The following HCRTR2 variants were observed in gnomAD, a reference collection of about 807,000 sequenced individuals.
HCRTR2 encodes the protein orexin receptor type 2.
Under a neutral mutation model 49.0 loss-of-function variants are expected in HCRTR2, and 22 were observed. The observed-to-expected ratio is 0.45, with a 90% CI of 0.32 to 0.64. The LOEUF (loss-of-function observed/expected upper bound fraction) is 0.64. HCRTR2 is among the 30% of genes least tolerant of loss of function. HCRTR2 has a pLI of 0.04. For missense variants in HCRTR2, 491 were observed against 559.4 expected (o/e 0.88, Z 1.23); for synonymous variants, 236 against 205.3 (o/e 1.15, Z -1.28).
At chr6:55,170,739 C>CT (rs397934195), upstream of HCRTR2, among the ~76,000 whole-genome samples, 6 of 112,012 alleles carry the variant, frequency 5.4e-5, no homozygotes, top group East Asian at 1.3e-3. Context: ...CCCCCTCCCC[C>CT]ACCCCACGAC....
chr6:55,144,833 A>T (rs902037868), intron 1 of HCRTR2, among the ~76,000 whole-genome samples: 5 of 152,048 alleles, frequency 3.3e-5, no homozygotes, highest in African/African-American at 1.2e-4. Context: ...TCTCGTCTAG[A>T]CCATGCTTAT....
At chr6:55,227,878 GGAAGA>G (rs1371160500) in intron 1 of HCRTR2, among the ~76,000 whole-genome samples, 4 of 152,142 alleles carry the variant, frequency 2.6e-5, no homozygotes, top group African/African-American at 7.2e-5. Flanking sequence ...TAGTAACATA[GGAAGA>G]GAAATAAGAT....
In HCRTR2 at chr6:55,275,691, A is replaced by G. The variant is rs530201623; in HGVS notation, c.763-1689A>G. 3.3e-5 allele frequency among the ~76,000 whole-genome samples: 5 copies of G among 151,160 alleles called. No individual in the cohort carries two copies. The South Asian group carries it at 1.0e-3, about 32-fold the overall frequency. On this transcript the variant is annotated intron_variant, in intron 4 of 6. Coordinates refer to ENST00000370862, the MANE Select transcript of HCRTR2 (RefSeq NM_001384272.1). The stretch of plus-strand genomic sequence containing the variant: ...TGTGTGATCTCATCGGCTCATTGCA[A>G]CATCCACCTCCTGGGTTCAAGCGAT...
chr6:55,193,373 TAAGA>T (rs1765353937), intron 1 of HCRTR2, among the ~76,000 whole-genome samples: 1 of 152,020 alleles, frequency 6.6e-6, no homozygotes, highest in African/African-American at 2.4e-5. Flanking sequence ...GGCAGAGCAT[TAAGA>T]AAGTGAATGA....
At chr6:55,203,072 C>G (rs557793661) in intron 1 of HCRTR2, among the ~76,000 whole-genome samples, 1 of 152,080 alleles carries the variant, frequency 6.6e-6, no homozygotes, top group South Asian at 2.1e-4. Context: ...CCAGTTTTAC[C>G]GTTACATCAA....
chr6:55,191,701 A>G (rs1255870414), intron 1 of HCRTR2, among the ~76,000 whole-genome samples: 1 of 152,202 alleles, frequency 6.6e-6, no homozygotes, highest in Non-Finnish European at 1.5e-5. Context: ...TGGAAGTGCC[A>G]GAAGAATAAG....
chr6:55,243,938 T>C (rs1766382681), intron 1 of HCRTR2, among the ~76,000 whole-genome samples: 1 of 152,124 alleles, frequency 6.6e-6, no homozygotes, highest in African/African-American at 2.4e-5. Flanking sequence ...GTTTTTTATT[T>C]TGTTGGTTGA....
intron 1 of HCRTR2, among the ~76,000 whole-genome samples, chr6:55,225,559 C>T (rs1765987496): frequency 6.6e-6 from 1 of 152,128 alleles, no homozygotes; most frequent in Admixed American, 6.5e-5. Context: ...TGTGCCAGAC[C>T]TGCACAAGGC....
At chr6:55,184,271 C>T (rs1224111270) in intron 1 of HCRTR2, among the ~76,000 whole-genome samples, 1 of 152,150 alleles carries the variant, frequency 6.6e-6, no homozygotes, top group East Asian at 1.9e-4. Flanking sequence ...TTTCTTGGAA[C>T]ATATATGTAT....
intron 1 of HCRTR2, among the ~76,000 whole-genome samples, chr6:55,195,933 C>A (rs1336033056): frequency 6.6e-6 from 1 of 152,174 alleles, no homozygotes; most frequent in Admixed American, 6.5e-5. Flanking sequence ...GATTGCACCA[C>A]TGCACTCCAG....
intron 1 of HCRTR2, among the ~76,000 whole-genome samples, chr6:55,205,905 A>G (rs1342110207): frequency 6.6e-6 from 1 of 152,040 alleles, no homozygotes; most frequent in Non-Finnish European, 1.5e-5. Flanking sequence ...CCCTTATTAT[A>G]ATTGTAGCGT....
At chr6:55,145,918 T>C (rs1055057394) in intron 1 of HCRTR2, among the ~76,000 whole-genome samples, 1 of 152,076 alleles carries the variant, frequency 6.6e-6, no homozygotes, top group African/African-American at 2.4e-5. Flanking sequence ...TAAGTTGTAA[T>C]CCCTCAACAA....
At chr6:55,208,321 AAAAAAT>A (rs1765638511) in intron 1 of HCRTR2, among the ~76,000 whole-genome samples, 1 of 146,014 alleles carries the variant, frequency 6.8e-6, no homozygotes, top group Non-Finnish European at 1.5e-5. Context: ...ACGAAAAATA[AAAAAAT>A]AAAAAAAAAA....
chr6:55,145,024 G>A (rs12205790), intron 1 of HCRTR2, among the ~76,000 whole-genome samples: 4,330 of 152,050 alleles, frequency 0.028, 94 homozygotes, highest in Middle Eastern at 0.065. Context: ...CCAGAGAAAA[G>A]CTACCCGTCT....
intron 1 of HCRTR2, among the ~76,000 whole-genome samples, chr6:55,164,571 C>A (rs1764849845): frequency 6.6e-6 from 1 of 151,958 alleles, no homozygotes; most frequent in African/African-American, 2.4e-5. Flanking sequence ...GGGAGTTGAA[C>A]AATGAGAACA....
chr6:55,181,307 T>A (rs1765130599), intron 1 of HCRTR2, among the ~76,000 whole-genome samples: 1 of 152,194 alleles, frequency 6.6e-6, no homozygotes, highest in Non-Finnish European at 1.5e-5. Flanking sequence ...ATAAAATGTT[T>A]TCATTTCACC....
chr6:55,159,015 C>T (rs34392920), intron 1 of HCRTR2, among the ~76,000 whole-genome samples: 5 of 152,162 alleles, frequency 3.3e-5, no homozygotes, highest in Non-Finnish European at 5.9e-5. Context: ...GACTGGGAGA[C>T]ACCGCACAGC....
chr6:55,206,565 G>A (rs1030638445), intron 1 of HCRTR2, among the ~76,000 whole-genome samples: 4 of 151,822 alleles, frequency 2.6e-5, no homozygotes, highest in Admixed American at 6.6e-5. Context: ...AGTGCAAGGA[G>A]TATAGCGAAA....
intron 5 of HCRTR2, 88 bp from the exon 6 acceptor site, chr6:55,280,235 G>C (rs548946088): frequency 1.1e-6 from 1 of 872,068 alleles, no homozygotes; most frequent in Non-Finnish European, 1.9e-6. Context: ...GAAGAGGACA[G>C]GAGTCAGACC....
Sources: allele counts gnomAD v4.1 joint callset (sites outside exome capture counted in the v4.1 genomes callset), GRCh38; gene constraint gnomAD v4.1.1; transcripts MANE v1.5; gene names NCBI Gene and HGNC (gene_info 2026-07-23, HGNC 2026-07-21).